Variants in UBE2E2 observed in about 807,000 individuals in gnomAD.
The protein encoded by UBE2E2 is ubiquitin-conjugating enzyme E2 E2.
UBE2E2 carries 6 observed loss-of-function variants against 24.7 expected under a neutral mutation model. That is an observed-to-expected ratio of 0.24 (90% CI 0.13 to 0.48). The LOEUF is 0.48. UBE2E2 is among the 20% of genes least tolerant of loss of function. UBE2E2 has a pLI of 0.99. For synonymous variants in UBE2E2, 104 were observed against 83.6 expected (o/e 1.24, Z -1.33); for missense variants, 169 against 245.0 (o/e 0.69, Z 2.07).
At chr3:23,335,787 G>T (rs1695189894) in intron 3 of UBE2E2, among the ~76,000 whole-genome samples, 1 of 152,162 alleles carries the variant, frequency 6.6e-6, no homozygotes, top group African/African-American at 2.4e-5. Context: ...TCCCACTTTG[G>T]CCTCCCAAAG....
chr3:23,351,055 A>C (rs1188239612), intron 3 of UBE2E2, among the ~76,000 whole-genome samples: 1 of 152,260 alleles, frequency 6.6e-6, no homozygotes, highest in Admixed American at 6.5e-5. Context: ...AAACTCTACA[A>C]GCCAGAAGAG....
intron 3 of UBE2E2, among the ~76,000 whole-genome samples, chr3:23,348,122 A>G (rs1029010788): frequency 4.6e-5 from 7 of 152,298 alleles, no homozygotes; most frequent in Non-Finnish European, 1.0e-4. Flanking sequence ...TGAATAACCA[A>G]TGTTTACTTC....
At position 23,390,165 on chromosome 3, in the gene UBE2E2, C is replaced by T. The variant is rs1191448241; in HGVS notation, c.228-109443C>T. Reference sequence around the variant, plus strand: ...ATACTGGGTAGAAGTGGGCAGTTCCCCAGCAAAGGCCCCACCCCTAAGCCT... The same window carrying T: ...ATACTGGGTAGAAGTGGGCAGTTCCTCAGCAAAGGCCCCACCCCTAAGCCT... On this transcript the variant is annotated intron_variant, in intron 3 of 5. Coordinates refer to ENST00000396703, the MANE Select transcript of UBE2E2 (RefSeq NM_152653.4). Among the ~76,000 whole-genome samples, 3 of 152,048 alleles carry T rather than the reference C, an allele frequency of 2.0e-5. No homozygotes were observed. In the South Asian group the frequency reaches 6.2e-4, roughly 32 times the overall value.
intron 4 of UBE2E2, among the ~76,000 whole-genome samples, chr3:23,521,895 A>AC (rs139469274): frequency 2.5e-4 from 17 of 69,320 alleles, no homozygotes; most frequent in South Asian, 1.5e-3. Flanking sequence ...TGTACCCCCC[A>AC]CCCCCCCAGC....
intron 3 of UBE2E2, among the ~76,000 whole-genome samples, chr3:23,380,085 G>GAA (rs1559367064): frequency 8.0e-4 from 25 of 31,316 alleles, no homozygotes; most frequent in African/African-American, 3.9e-3. Flanking sequence ...TTTGATTACT[G>GAA]TAAAAAAAAA....
At chr3:23,559,856 A>G (rs1040504995) in intron 5 of UBE2E2, among the ~76,000 whole-genome samples, 25 of 152,176 alleles carry the variant, frequency 1.6e-4, no homozygotes, top group Admixed American at 5.2e-4. Context: ...TTTAATGATT[A>G]TCCTAGACTG....
At chr3:23,208,933 A>T in intron 2 of UBE2E2, 58 bp downstream of exon 2, 1 of 1,448,718 alleles carries the variant, frequency 6.9e-7, no homozygotes, top group Non-Finnish European at 9.2e-7. Context: ...CTTAAGTTCT[A>T]TTTTTCTCTT....
chr3:23,416,675 T>G (rs1220555230), intron 3 of UBE2E2, among the ~76,000 whole-genome samples: 1 of 152,204 alleles, frequency 6.6e-6, no homozygotes, highest in Admixed American at 6.5e-5. Context: ...CCCCGTCACT[T>G]TCAGGTACAC....
intron 3 of UBE2E2, among the ~76,000 whole-genome samples, chr3:23,495,233 C>G (rs148594916): frequency 6.6e-6 from 1 of 152,096 alleles, no homozygotes; most frequent in East Asian, 1.9e-4. Flanking sequence ...TTCAAAGAAC[C>G]AATAAAACTT....
chr3:23,424,238 CTACA>C (rs972191884), intron 3 of UBE2E2, among the ~76,000 whole-genome samples: 25 of 151,884 alleles, frequency 1.6e-4, no homozygotes, highest in African/African-American at 6.0e-4. Context: ...AAAAGAAAAG[CTACA>C]TAATCTGCAG....
Position 23,478,926 on chromosome 3 carries a change from C to A in UBE2E2, c.228-20682C>A, listed in dbSNP as rs138930754. 5.0e-3 allele frequency among the ~76,000 whole-genome samples: 760 copies of A among 151,446 alleles called. 4 individuals carry two copies. Among genetic ancestry groups the A allele is most frequent in the Non-Finnish European group, 7.1e-3 (481 of 67,968 alleles). ...TTTTTTAATTAGCTGAGCATGGTGG[C>A]ACATGCCTGTGGTTCCAGCTACTCA... On this transcript the variant is annotated intron_variant, in intron 3 of 5. Coordinates refer to ENST00000396703, the MANE Select transcript of UBE2E2 (RefSeq NM_152653.4).
rs186651796 is a variant in UBE2E2, at chr3:23,529,365, G to A, written c.361-3189G>A. ...CCTGCAGTATACTGTAGTTATACAGGATGTTTTCATTGGGGAAAATTGAGT... is the reference window on the plus strand; with the variant it reads ...CCTGCAGTATACTGTAGTTATACAGAATGTTTTCATTGGGGAAAATTGAGT... On this transcript the variant is annotated intron_variant, in intron 4 of 5. Transcript: ENST00000396703. Among the ~76,000 whole-genome samples the A allele has an allele frequency of 2.8e-4, 42 of 152,326 alleles. 1 individual carries two copies. In the East Asian group the frequency reaches 7.5e-3, roughly 27 times the overall value.
chr3:23,282,298 G>T (rs1011509005), intron 3 of UBE2E2, among the ~76,000 whole-genome samples: 9 of 152,190 alleles, frequency 5.9e-5, no homozygotes, highest in Admixed American at 2.6e-4. Flanking sequence ...GGCGCTGGAT[G>T]AATGTTTATT....
intron 5 of UBE2E2, among the ~76,000 whole-genome samples, chr3:23,556,472 A>T (rs1695789122): frequency 6.7e-6 from 1 of 149,448 alleles, no homozygotes; most frequent in South Asian, 2.1e-4. Context: ...AAAAAAAAAA[A>T]GCTATACTGA....
chr3:23,411,481 C>T lies in UBE2E2; in HGVS notation c.228-88127C>T, dbSNP rs114672029. Among the ~76,000 whole-genome samples, 443 of 152,252 alleles carry T rather than the reference C, an allele frequency of 2.9e-3. 2 individuals are homozygous for T. Among genetic ancestry groups the T allele is most frequent in the African/African-American group, 9.7e-3 (401 of 41,536 alleles). On this transcript the variant is annotated intron_variant, in intron 3 of 5. Transcript: ENST00000396703. ...CTCCTCTTCTTTCTCTTAGAGATCT[C>T]AGGATAATTCGAGACCTCACCTGTC...
chr3:23,326,160 C>T (rs1271200438), intron 3 of UBE2E2, among the ~76,000 whole-genome samples: 1 of 152,180 alleles, frequency 6.6e-6, no homozygotes, highest in African/African-American at 2.4e-5. Flanking sequence ...CAACCTCCAC[C>T]CCTGGGGTTC....
chr3:23,326,084 A>G (rs1694883286), intron 3 of UBE2E2, among the ~76,000 whole-genome samples: 1 of 151,838 alleles, frequency 6.6e-6, no homozygotes, highest in Non-Finnish European at 1.5e-5. Flanking sequence ...TTATTTATTT[A>G]TTTTTGAGGT....
intron 3 of UBE2E2, among the ~76,000 whole-genome samples, chr3:23,234,253 G>A (rs1419394291): frequency 6.6e-6 from 1 of 151,576 alleles, no homozygotes; most frequent in Non-Finnish European, 1.5e-5. Flanking sequence ...ATTTTGAGAA[G>A]TGAGGTGTTT....
At chr3:23,576,139 T>C (rs981353440) in intron 5 of UBE2E2, among the ~76,000 whole-genome samples, 3 of 152,228 alleles carry the variant, frequency 2.0e-5, no homozygotes, top group African/African-American at 7.2e-5. Flanking sequence ...TATTTGAATT[T>C]ATTATAATGC....
Sources: gnomAD v4.1 joint callset for allele counts (sites outside exome capture counted in the v4.1 genomes callset) on GRCh38, gnomAD v4.1.1 for gene constraint, MANE v1.5 for transcripts, NCBI Gene and HGNC (gene_info 2026-07-23, HGNC 2026-07-21) for gene names.